The following KLHL32 variants were observed in gnomAD, a reference collection of about 807,000 sequenced individuals.
KLHL32 encodes the protein kelch-like protein 32.
KLHL32 carries 35 observed loss-of-function variants against 64.8 expected under a neutral mutation model. The observed-to-expected ratio is 0.54, with a 90% confidence interval of 0.41 to 0.72. The LOEUF is 0.72. KLHL32 is among the 30% of genes least tolerant of loss of function. The pLI is 0.00. For synonymous variants in KLHL32, 259 were observed against 281.0 expected (o/e 0.92, Z 0.78); for missense variants, 589 against 768.5 (o/e 0.77, Z 2.76).
chr6:96,950,183 A>G (rs73758069), intron 1 of KLHL32, among the ~76,000 whole-genome samples: 3,461 of 152,234 alleles, frequency 0.023, 140 homozygotes, highest in African/African-American at 0.08. Flanking sequence ...ATTTTTAATG[A>G]CAGAGGCAAG....
chr6:97,133,554 T>C (rs1799663509), intron 10 of KLHL32, among the ~76,000 whole-genome samples: 1 of 152,232 alleles, frequency 6.6e-6, no homozygotes, highest in Non-Finnish European at 1.5e-5. Flanking sequence ...GTTCAACCTT[T>C]TTATTTCTTT....
chr6:97,034,648 C>A lies in KLHL32; in HGVS notation c.205-6844C>A, dbSNP rs193276513. ...TTTTTCAATCCATGGACATGGATGTCTTTCCATTTTATCTGTGTCTTTGAT... is the reference window on the plus strand; with the variant it reads ...TTTTTCAATCCATGGACATGGATGTATTTCCATTTTATCTGTGTCTTTGAT... On this transcript the variant is annotated intron_variant, in intron 3 of 10. Coordinates refer to ENST00000369261, the MANE Select transcript of KLHL32 (RefSeq NM_052904.4). 6.6e-5 allele frequency among the ~76,000 whole-genome samples: 10 copies of A among 151,936 alleles called. No individual in the cohort carries two copies. The East Asian group carries it at 1.9e-3, about 29-fold the overall frequency.
chr6:97,123,716 A>ATCTAT (rs1475329134), intron 7 of KLHL32, among the ~76,000 whole-genome samples: 1 of 152,184 alleles, frequency 6.6e-6, no homozygotes. Context: ...GAGGGAGATC[A>ATCTAT]AAACTGCCAA....
the KLHL32 span, among the ~76,000 whole-genome samples, chr6:96,911,821 C>CTTTT: frequency 4.1e-4 from 22 of 53,520 alleles, no homozygotes; most frequent in African/African-American, 8.6e-4. Flanking sequence ...CTGCTCGGTC[C>CTTTT]TTCTTTTTTT....
At chr6:97,081,459 G>A (rs898543151) in intron 5 of KLHL32, among the ~76,000 whole-genome samples, 5 of 152,180 alleles carry the variant, frequency 3.3e-5, no homozygotes, top group Non-Finnish European at 7.3e-5. Flanking sequence ...AGCCCTGGGA[G>A]GGGCAGTCTA....
chr6:96,950,230 T>TA (rs35692509), intron 1 of KLHL32, among the ~76,000 whole-genome samples: 19,777 of 146,784 alleles, frequency 0.13, 1,500 homozygotes, highest in East Asian at 0.26. Context: ...ACATTTGTGT[T>TA]AAAAAAAAAA....
intron 1 of KLHL32, among the ~76,000 whole-genome samples, chr6:96,949,184 T>C (rs376380805): frequency 6.6e-6 from 1 of 152,222 alleles, no homozygotes; most frequent in Non-Finnish European, 1.5e-5. Flanking sequence ...GGACATTGCA[T>C]GTCTTGTTTT....
At chr6:97,102,415 C>A (rs1460851763) in intron 6 of KLHL32, among the ~76,000 whole-genome samples, 1 of 152,010 alleles carries the variant, frequency 6.6e-6, no homozygotes, top group Non-Finnish European at 1.5e-5. Flanking sequence ...AATTGGTTTT[C>A]TCTCATTTTC....
intron 5 of KLHL32, among the ~76,000 whole-genome samples, chr6:97,068,400 G>A (rs1358446284): frequency 6.6e-6 from 1 of 152,120 alleles, no homozygotes; most frequent in Non-Finnish European, 1.5e-5. Context: ...AATATCTATT[G>A]CTAGACAGCA....
At chr6:97,001,158 A>G (rs2128078082) in intron 3 of KLHL32, among the ~76,000 whole-genome samples, 1 of 152,302 alleles carries the variant, frequency 6.6e-6, no homozygotes, top group Non-Finnish European at 1.5e-5. Context: ...CCAGGAGTGA[A>G]CCCTAACGTA....
the KLHL32 span, among the ~76,000 whole-genome samples, chr6:96,915,667 G>C: frequency 6.6e-6 from 1 of 151,694 alleles, no homozygotes; most frequent in Non-Finnish European, 1.5e-5. Context: ...AAAAAAAAGG[G>C]ATGGATAATA....
At chr6:96,992,925 G>A (rs1024343194) in intron 3 of KLHL32, among the ~76,000 whole-genome samples, 2 of 152,350 alleles carry the variant, frequency 1.3e-5, no homozygotes, top group African/African-American at 4.8e-5. Context: ...TAAGCTGTGT[G>A]CTCTGCTGGA....
intron 3 of KLHL32, among the ~76,000 whole-genome samples, chr6:97,008,747 G>T (rs1042359412): frequency 1.3e-5 from 2 of 152,142 alleles, no homozygotes; most frequent in African/African-American, 2.4e-5. Flanking sequence ...GCAGCCCTGT[G>T]CAGGGTTCCT....
intron 8 of KLHL32, among the ~76,000 whole-genome samples, chr6:97,128,022 C>T (rs1009438628): frequency 4.6e-5 from 7 of 152,162 alleles, no homozygotes; most frequent in African/African-American, 1.7e-4. Context: ...ATTCTCTTTT[C>T]CATATACTAA....
chr6:97,059,315 G>C (rs1788499530), intron 4 of KLHL32, among the ~76,000 whole-genome samples: 1 of 152,160 alleles, frequency 6.6e-6, no homozygotes, highest in Non-Finnish European at 1.5e-5. Context: ...TTTAGCAAAG[G>C]GACCAGAAGG....
chr6:97,109,823 A>G (rs183266905), intron 6 of KLHL32, among the ~76,000 whole-genome samples: 399 of 152,338 alleles, frequency 2.6e-3, no homozygotes, highest in Non-Finnish European at 4.6e-3. Flanking sequence ...CAGAACTGTA[A>G]GGATATAAGA....
At chr6:97,126,567 C>T (rs1490879238) in intron 7 of KLHL32, among the ~76,000 whole-genome samples, 1 of 152,020 alleles carries the variant, frequency 6.6e-6, no homozygotes, top group African/African-American at 2.4e-5. Context: ...CAAAAGAGTA[C>T]ACCACAATAG....
intron 3 of KLHL32, among the ~76,000 whole-genome samples, chr6:96,988,407 C>T (rs1158058544): frequency 6.6e-6 from 1 of 152,006 alleles, no homozygotes; most frequent in Non-Finnish European, 1.5e-5. Flanking sequence ...CAGTGAGATA[C>T]CATCTCACAC....
chr6:97,061,965 G>A (rs1287003969), intron 4 of KLHL32, among the ~76,000 whole-genome samples: 4 of 152,202 alleles, frequency 2.6e-5, no homozygotes, highest in Admixed American at 2.6e-4. Context: ...GAGAACAGCT[G>A]TCCTGGTAGG....
Sources: allele counts gnomAD v4.1 joint callset (sites outside exome capture counted in the v4.1 genomes callset), GRCh38; gene constraint gnomAD v4.1.1; transcripts MANE v1.5; gene names NCBI Gene and HGNC (gene_info 2026-07-23, HGNC 2026-07-21).